CPB2: variants seen among roughly 807,000 people sequenced by gnomAD.
CPB2 encodes carboxypeptidase B-like protein.
Under a neutral mutation model 57.0 loss-of-function variants are expected in CPB2, and 54 were observed. That is an observed-to-expected ratio of 0.95 (90% CI 0.76 to 1.19). The LOEUF is 1.19. CPB2 is among the 50% of genes most tolerant of loss of function. CPB2 has a pLI of 0.00. For missense variants in CPB2, 426 were observed against 512.0 expected, an observed-to-expected ratio of 0.83 and a Z score of 1.62; for synonymous variants, 189 against 178.1, an observed-to-expected ratio of 1.06 and a Z score of -0.49.
intron 8 of CPB2, among the ~76,000 whole-genome samples, chr13:46,059,810 G>A (rs2044746933): frequency 6.6e-6 from 1 of 152,110 alleles, no homozygotes; most frequent in South Asian, 2.1e-4. Context: ...TCTTAATTAA[G>A]CTCATTCTGC....
intron 4 of CPB2, among the ~76,000 whole-genome samples, chr13:46,080,830 A>T (rs1169762802): frequency 1.3e-5 from 2 of 151,874 alleles, no homozygotes; most frequent in African/African-American, 4.8e-5. Flanking sequence ...AAATTAGCTG[A>T]GCGTGGTGGT....
chr13:46,078,887 T>G lies in CPB2; in HGVS notation c.399A>C (p.Ile133=). The change falls in exon 5 of 11, where the codon ATA becomes ATC. Residue 133 remains isoleucine, a synonymous_variant. Transcript: ENST00000181383. ...CAGGATGCCTCTCAGTTATAAATTCTATCCAAGAATAGATCTAGCAAAATG... is the reference window on the plus strand; with the variant it reads ...CAGGATGCCTCTCAGTTATAAATTCGATCCAAGAATAGATCTAGCAAAATG... ...YHSLNEIYSW[I]EFITERHPDM... 1 of 1,605,436 alleles carries G rather than the reference T, an allele frequency of 6.2e-7. No homozygotes were observed. The highest frequency in any genetic ancestry group is 8.5e-7 in the Non-Finnish European group (1 of 1,172,658).
intron 10 of CPB2, among the ~76,000 whole-genome samples, chr13:46,055,074 TAAA>T (rs68147896): frequency 2.1e-5 from 3 of 142,350 alleles, no homozygotes; most frequent in African/African-American, 2.6e-5. Context: ...TTCTAATCAT[TAAA>T]AAAAAAAAAA....
chr13:46,104,678 A>G (rs1593927349), intron 1 of CPB2, among the ~76,000 whole-genome samples: 1 of 152,236 alleles, frequency 6.6e-6, no homozygotes. Flanking sequence ...TTGAATCTCC[A>G]TAGTCACTGG....
At chr13:46,097,372 C>T (rs750493117) in intron 1 of CPB2, 4 of 152,220 alleles carry the variant, frequency 2.6e-5, no homozygotes, top group Non-Finnish European at 4.4e-5. Context: ...AGCACCATTC[C>T]TCATAGAGAC....
At chr13:46,062,970 C>G (rs2044797006) in intron 8 of CPB2, among the ~76,000 whole-genome samples, 1 of 152,160 alleles carries the variant, frequency 6.6e-6, no homozygotes, top group African/African-American at 2.4e-5. Flanking sequence ...GGGTCCAGGT[C>G]TGGGAGGAAG....
At chr13:46,085,083 C>T (rs1280222804) in intron 2 of CPB2, among the ~76,000 whole-genome samples, 2 of 152,078 alleles carry the variant, frequency 1.3e-5, no homozygotes, top group Admixed American at 6.5e-5. Context: ...ATCTCCTGAC[C>T]TCGTGATCCG....
rs752282983 is a variant in CPB2 at position 46,084,341 on chromosome 13, A to C, written c.153T>G (p.Ile51Met). 1.2e-6 allele frequency: 2 copies of C among 1,614,114 alleles called. No homozygotes were observed. The highest frequency in any genetic ancestry group is 2.2e-5 in the South Asian group (2 of 91,076). The change falls in exon 3 of 11, where the codon ATT becomes ATG. Residue 51 changes from isoleucine (I) to methionine (M), a missense_variant and splice_region_variant. Transcript: ENST00000181383. ...VLQNLTTTYE[I>M]VLWQPVTADL... The stretch of plus-strand genomic sequence containing the variant: ...CAGCTGTTACCGGCTGCCAGAGAAC[A>C]ATCTACAGTTTAAGGGGCAAAATTG...
intron 6 of CPB2, among the ~76,000 whole-genome samples, chr13:46,071,122 A>G (rs1362458631): frequency 6.6e-6 from 1 of 152,186 alleles, no homozygotes; most frequent in Non-Finnish European, 1.5e-5. Context: ...AATTCTGTGG[A>G]GTGTTTGGGG....
At chr13:46,094,148 T>G (rs933310818) in intron 1 of CPB2, among the ~76,000 whole-genome samples, 6 of 152,230 alleles carry the variant, frequency 3.9e-5, no homozygotes, top group African/African-American at 1.4e-4. Context: ...CAGAATGTTC[T>G]CTGGGCCCTT....
chr13:46,074,751 T>C (rs2044995869), intron 5 of CPB2, among the ~76,000 whole-genome samples: 1 of 152,112 alleles, frequency 6.6e-6, no homozygotes, highest in African/African-American at 2.4e-5. Flanking sequence ...AATTTTTCCA[T>C]GGATGGGGCA....
intron 1 of CPB2, among the ~76,000 whole-genome samples, chr13:46,090,583 C>G (rs1198167354): frequency 6.6e-6 from 1 of 151,416 alleles, no homozygotes; most frequent in Admixed American, 6.6e-5. Context: ...AGGCTGGTCT[C>G]GAACTCCTGA....
At position 46,081,486 on chromosome 13, in the gene CPB2, G is replaced by C. The variant is rs1002042342; in HGVS notation, c.384+955C>G. Among the ~76,000 whole-genome samples the C allele has an allele frequency of 5.9e-5, 9 of 151,988 alleles. No individual in the cohort carries two copies. In the East Asian group the frequency reaches 9.7e-4, roughly 16 times the overall value. ...ATAGATGTAGGAGAGATTAAAAAAGGGGGGGTGCAATTTTAAGGCCCCCTC... is the reference window on the plus strand; with the variant it reads ...ATAGATGTAGGAGAGATTAAAAAAGCGGGGGTGCAATTTTAAGGCCCCCTC... On this transcript the variant is annotated intron_variant, in intron 4 of 10. Coordinates refer to ENST00000181383, the MANE Select transcript of CPB2 (RefSeq NM_001872.5).
At chr13:46,062,902 C>T (rs1566399015) in intron 8 of CPB2, among the ~76,000 whole-genome samples, 1 of 152,158 alleles carries the variant, frequency 6.6e-6, no homozygotes, top group Non-Finnish European at 1.5e-5. Flanking sequence ...TGTTTAAAAT[C>T]ATGAAATTTT....
At chr13:46,091,403 T>C (rs2045290805) in intron 1 of CPB2, among the ~76,000 whole-genome samples, 1 of 152,220 alleles carries the variant, frequency 6.6e-6, no homozygotes, top group Non-Finnish European at 1.5e-5. Context: ...CAGTACAACA[T>C]TGAATAGAAG....
chr13:46,060,939 A>G (rs1311834095), intron 8 of CPB2, among the ~76,000 whole-genome samples: 5 of 152,172 alleles, frequency 3.3e-5, no homozygotes, highest in African/African-American at 1.2e-4. Flanking sequence ...TCTTTGATCT[A>G]TAGACATGGA....
chr13:46,062,967 G>A (rs2044796949), intron 8 of CPB2, among the ~76,000 whole-genome samples: 1 of 152,180 alleles, frequency 6.6e-6, no homozygotes, highest in African/African-American at 2.4e-5. Flanking sequence ...ATAGGGTCCA[G>A]GTCTGGGAGG....
In CPB2 at chr13:46,073,817, C is replaced by G. The variant is rs2044980235; in HGVS notation, c.591+56G>C. 2.6e-6 allele frequency: 3 copies of G among 1,159,566 alleles called. No individual in the cohort carries two copies. In the East Asian group the frequency reaches 7.3e-5, roughly 28 times the overall value. The allele number at this position is 1,159,566 out of a possible 1,614,324, so 71.8% of individuals were successfully genotyped here. Reference sequence around the variant, plus strand: ...ATAAATAGCCCAGTTGAGTCTGACACAGGTGATCTTGGGCACCATTTTGAG... The same window carrying G: ...ATAAATAGCCCAGTTGAGTCTGACAGAGGTGATCTTGGGCACCATTTTGAG... On this transcript the variant is annotated intron_variant, in intron 6 of 10. Coordinates refer to ENST00000181383, the MANE Select transcript of CPB2 (RefSeq NM_001872.5).
chr13:46,095,529 G>A (rs761141941), intron 1 of CPB2, among the ~76,000 whole-genome samples: 12 of 152,196 alleles, frequency 7.9e-5, no homozygotes, highest in African/African-American at 2.9e-4. Flanking sequence ...AGTGCTTGAT[G>A]TGGCATCTTT....
Sources: gnomAD v4.1 joint callset for allele counts (sites outside exome capture counted in the v4.1 genomes callset) on GRCh38, gnomAD v4.1.1 for gene constraint, MANE v1.5 for transcripts, NCBI Gene and HGNC (gene_info 2026-07-23, HGNC 2026-07-21) for gene names.